Variants in LRP6 observed in about 807,000 individuals in gnomAD.
The protein encoded by LRP6 is low-density lipoprotein receptor-related protein 6.
LRP6 carries 43 observed loss-of-function variants against 184.1 expected under a neutral mutation model. The observed-to-expected ratio is 0.23, with a 90% CI of 0.18 to 0.30. The LOEUF (loss-of-function observed/expected upper bound fraction) is 0.30. Ranked by LOEUF, LRP6 falls within the 10% of genes least tolerant of loss-of-function variation. The pLI is 1.00. For synonymous variants in LRP6, 719 were observed against 684.9 expected, an observed-to-expected ratio of 1.05 and a Z score of -0.78; for missense variants, 1,571 against 2,005.3, an observed-to-expected ratio of 0.78 and a Z score of 4.14.
intron 12 of LRP6, 31 bp downstream of exon 12, chr12:12,158,798 C>G: frequency 6.2e-7 from 1 of 1,605,262 alleles, no homozygotes. Flanking sequence ...TTCTCTCATT[C>G]TAGCTTGCTT....
intron 2 of LRP6, 151 bp downstream of exon 2, chr12:12,244,111 C>G (rs1031857521): frequency 5.2e-6 from 4 of 775,560 alleles, no homozygotes; most frequent in African/African-American, 1.7e-5. Context: ...ACGTAACTTT[C>G]CACATTCAAG....
At chr12:12,172,523 C>G (rs1863073143) in intron 7 of LRP6, among the ~76,000 whole-genome samples, 1 of 152,168 alleles carries the variant, frequency 6.6e-6, no homozygotes, top group Non-Finnish European at 1.5e-5. Flanking sequence ...ACCAAGCAAC[C>G]ACCATAAAAT....
chr12:12,186,990 A>C lies in LRP6; in HGVS notation c.777T>G (p.Arg259=). Residue 259 remains arginine (R), a synonymous_variant, in exon 4 of 23, where the codon CGT becomes CGG. Coordinates refer to ENST00000261349, the MANE Select transcript of LRP6 (RefSeq NM_002336.3). ...GAGAGAAGATGTCAGAATGGATTTC[A>C]CGCAGACCCTCACCAGTATACTTGT... The part of the protein sequence containing the change: ...ACNKYTGEGL[R]EIHSDIFSPM... 1 of 1,614,194 alleles carries C rather than the reference A, an allele frequency of 6.2e-7. No individual in the cohort carries two copies. Among genetic ancestry groups the C allele is most frequent in the East Asian group, 2.2e-5 (1 of 44,888 alleles).
chr12:12,164,182 T>G, intron 9 of LRP6, 91 bp downstream of exon 9: 2 of 1,144,610 alleles, frequency 1.7e-6, no homozygotes, highest in Admixed American at 1.9e-5. Flanking sequence ...TGTCAAACAA[T>G]GAGGGAGGTG....
chr12:12,204,135 G>C (rs1863985585), intron 2 of LRP6, among the ~76,000 whole-genome samples: 1 of 152,114 alleles, frequency 6.6e-6, no homozygotes, highest in African/African-American at 2.4e-5. Context: ...ACAGAACATA[G>C]TGTCTTTTAT....
chr12:12,138,953 T>G lies in LRP6; in HGVS notation c.3398-419A>C, dbSNP rs527379503. 2.2e-6 allele frequency: 3 copies of G among 1,364,976 alleles called. No homozygotes were observed. In the South Asian group the frequency reaches 3.4e-5, roughly 16 times the overall value. 84.6% of individuals were successfully genotyped at this position (1,364,976 alleles called of 1,614,324 possible). A position where few individuals can be genotyped will look rare whatever the true frequency, so the allele number is the denominator to read the frequency against. ...CCCACCTGGCTTCTCAGAACACAATTAGAAAAAATGACTGACTCACCCCAA... is the reference window on the plus strand; with the variant it reads ...CCCACCTGGCTTCTCAGAACACAATGAGAAAAAATGACTGACTCACCCCAA... On this transcript the variant is annotated intron_variant, in intron 15 of 22. Transcript: ENST00000261349.
chr12:12,253,553 T>G (rs919148651), intron 1 of LRP6, among the ~76,000 whole-genome samples: 5 of 151,720 alleles, frequency 3.3e-5, no homozygotes, highest in African/African-American at 9.7e-5. Context: ...TAGGTGTATC[T>G]CCTAATGCTA....
chr12:12,240,723 TAAAC>T (rs1220043190), intron 2 of LRP6, among the ~76,000 whole-genome samples: 4 of 152,164 alleles, frequency 2.6e-5, no homozygotes, highest in Non-Finnish European at 5.9e-5. Flanking sequence ...GAAAGGATCC[TAAAC>T]AAACAAACAA....
chr12:12,245,716 A>C (rs1422894350), intron 1 of LRP6, among the ~76,000 whole-genome samples: 1 of 152,198 alleles, frequency 6.6e-6, no homozygotes, highest in Non-Finnish European at 1.5e-5. Context: ...TTACAGAAAT[A>C]ACATTTAACT....
intron 17 of LRP6, among the ~76,000 whole-genome samples, chr12:12,133,795 G>C (rs1378389125): frequency 8.0e-6 from 1 of 124,592 alleles, no homozygotes; most frequent in Non-Finnish European, 1.6e-5. Context: ...TCTAGGATTT[G>C]CCTCAAAGTA....
chr12:12,134,607 T>C (rs900435046), intron 17 of LRP6, among the ~76,000 whole-genome samples: 1 of 152,162 alleles, frequency 6.6e-6, no homozygotes, highest in Non-Finnish European at 1.5e-5. Flanking sequence ...GCAACAGGAA[T>C]TTGCTGATGG....
chr12:12,155,167 G>T, intron 12 of LRP6: 1 of 505,738 alleles, frequency 2.0e-6, no homozygotes, highest in Non-Finnish European at 3.7e-6. Flanking sequence ...CTTTACTCCA[G>T]CCTGGGTGAC....
intron 2 of LRP6, among the ~76,000 whole-genome samples, chr12:12,227,345 T>G (rs1484734999): frequency 3.3e-5 from 5 of 150,686 alleles, no homozygotes; most frequent in Non-Finnish European, 3.0e-5. Flanking sequence ...AAAATAGATC[T>G]ACAAAAAGAA....
chr12:12,213,833 G>A (rs1216362532), intron 2 of LRP6, among the ~76,000 whole-genome samples: 1 of 151,912 alleles, frequency 6.6e-6, no homozygotes, highest in Non-Finnish European at 1.5e-5. Flanking sequence ...CACCAATAAT[G>A]TCTCATAGAT....
chr12:12,126,969 T>C, intron 19 of LRP6, 48 bp from the exon 20 acceptor site: 1 of 1,443,574 alleles, frequency 6.9e-7, no homozygotes, highest in Non-Finnish European at 9.7e-7. Flanking sequence ...AACAACTGTA[T>C]ATTCAAAATA....
intron 12 of LRP6, among the ~76,000 whole-genome samples, chr12:12,154,693 G>T (rs920586967): frequency 6.6e-6 from 1 of 151,992 alleles, no homozygotes; most frequent in Non-Finnish European, 1.5e-5. Flanking sequence ...AGTAAGACCT[G>T]ATCTCTTAAA....
intron 17 of LRP6, among the ~76,000 whole-genome samples, chr12:12,134,313 T>G (rs546729372): frequency 6.7e-6 from 1 of 149,694 alleles, no homozygotes; most frequent in Admixed American, 6.8e-5. Context: ...TACTTAATAA[T>G]TTTCACACCA....
chr12:12,209,076 G>A (rs942051059), intron 2 of LRP6, among the ~76,000 whole-genome samples: 2 of 152,166 alleles, frequency 1.3e-5, no homozygotes, highest in Admixed American at 6.5e-5. Context: ...TCTATACTCT[G>A]CGCCGTGTGT....
chr12:12,259,445 T>C (rs1288941122), intron 1 of LRP6, among the ~76,000 whole-genome samples: 2 of 152,162 alleles, frequency 1.3e-5, no homozygotes, highest in African/African-American at 4.8e-5. Context: ...TAAGCACTTA[T>C]ACAAGGTCCT....
Sources: gnomAD v4.1 joint callset for allele counts (sites outside exome capture counted in the v4.1 genomes callset) on GRCh38, gnomAD v4.1.1 for gene constraint, MANE v1.5 for transcripts, NCBI Gene and HGNC (gene_info 2026-07-23, HGNC 2026-07-21) for gene names.